Variants in LOC400499 observed in about 807,000 individuals in gnomAD.
the LOC400499 span, among the ~76,000 whole-genome samples, chr16:11,380,274 T>TTAGCATTTCTTGCATAATGAA: frequency 6.6e-6 from 1 of 152,128 alleles, no homozygotes; most frequent in Non-Finnish European, 1.5e-5. Context: ...AGGACTCCCT[T>TTAGCATTTCTTGCATAATGAA]TAGCATTTCT....
chr16:11,387,230 C>A, the LOC400499 span: 4 of 1,232,216 alleles, frequency 3.2e-6, no homozygotes, highest in African/African-American at 1.6e-5. Flanking sequence ...GCTGGTCACC[C>A]GGGCCACGTC....
chr16:11,519,341 GGT>G, the LOC400499 span, among the ~76,000 whole-genome samples: 2 of 152,132 alleles, frequency 1.3e-5, no homozygotes, highest in African/African-American at 4.8e-5. Flanking sequence ...GTCACCATGG[GGT>G]GTGTGTGGTG....
At chr16:11,475,327 A>G in the LOC400499 span, among the ~76,000 whole-genome samples, 1 of 152,150 alleles carries the variant, frequency 6.6e-6, no homozygotes, top group Non-Finnish European at 1.5e-5. Context: ...CTTAAAGTAA[A>G]ATAAAAATAA....
At chr16:11,473,167 A>C in the LOC400499 span, 4 of 150,936 alleles carry the variant, frequency 2.7e-5, no homozygotes, top group Non-Finnish European at 1.5e-5. Flanking sequence ...TGTTGCAGGA[A>C]ATTAGAAAGA....
the LOC400499 span, chr16:11,404,982 T>C: frequency 2.5e-6 from 1 of 397,326 alleles, no homozygotes; most frequent in Non-Finnish European, 4.4e-6. Flanking sequence ...ATTTACAGTT[T>C]CCTGAATGGT....
the LOC400499 span, among the ~76,000 whole-genome samples, chr16:11,490,626 G>A: frequency 0.32 from 48,799 of 151,866 alleles, 8,781 homozygotes; most frequent in African/African-American, 0.46. Flanking sequence ...GCATGAACCC[G>A]GGAGGCAGAG....
the LOC400499 span, chr16:11,472,697 T>C: frequency 1.3e-5 from 2 of 152,332 alleles, no homozygotes; most frequent in African/African-American, 2.4e-5. Context: ...GGCCTCAGTC[T>C]TTCTCATCTT....
At chr16:11,399,790 T>C in the LOC400499 span, 2,992 of 398,804 alleles carry the variant, frequency 7.5e-3, 65 homozygotes, top group African/African-American at 0.046. Context: ...CGTCGCAGGT[T>C]GTCCTCTGTT....
At chr16:11,385,298 C>T in the LOC400499 span, 48 of 1,232,188 alleles carry the variant, frequency 3.9e-5, no homozygotes, top group South Asian at 2.9e-4. Flanking sequence ...TCAGCGTCAG[C>T]GAGAATGTGT....
At chr16:11,470,766 G>C in the LOC400499 span, 1 of 152,662 alleles carries the variant, frequency 6.6e-6, no homozygotes, top group East Asian at 1.9e-4. Context: ...GAAGTCATTG[G>C]TGTAGGGGCC....
the LOC400499 span, chr16:11,431,213 T>C: frequency 2.5e-6 from 1 of 399,066 alleles, no homozygotes; most frequent in East Asian, 3.6e-5. Flanking sequence ...AGCAGTGCCT[T>C]GGAAAACAGC....
chr16:11,387,290 C>T, the LOC400499 span: 7 of 1,232,098 alleles, frequency 5.7e-6, no homozygotes, highest in African/African-American at 4.7e-5. Flanking sequence ...CACCACTGAG[C>T]GGTTCCTGCA....
the LOC400499 span, among the ~76,000 whole-genome samples, chr16:11,447,205 G>T: frequency 3.2e-4 from 49 of 152,304 alleles, no homozygotes; most frequent in African/African-American, 1.1e-3. Flanking sequence ...CACACAGACT[G>T]GGATTAGAAT....
the LOC400499 span, among the ~76,000 whole-genome samples, chr16:11,506,844 C>T: frequency 6.6e-6 from 1 of 152,240 alleles, no homozygotes; most frequent in Non-Finnish European, 1.5e-5. Context: ...GGTCTATCCC[C>T]CTGGCAACCC....
the LOC400499 span, among the ~76,000 whole-genome samples, chr16:11,487,974 G>T: frequency 6.6e-6 from 1 of 151,960 alleles, no homozygotes; most frequent in Non-Finnish European, 1.5e-5. Flanking sequence ...AAAATTAGCC[G>T]GGCATGGTGG....
At chr16:11,446,419 C>A in the LOC400499 span, 7 of 803,292 alleles carry the variant, frequency 8.7e-6, no homozygotes, top group East Asian at 5.4e-5. Flanking sequence ...CAGCCTCCTG[C>A]GTAGCTAAGA....
the LOC400499 span, chr16:11,384,818 G>A: frequency 8.2e-7 from 1 of 1,216,746 alleles, no homozygotes; most frequent in Non-Finnish European, 1.0e-6. Flanking sequence ...TGCCGCCCTG[G>A]AAGCTTAAAG....
chr16:11,508,821 T>C, the LOC400499 span: 1 of 399,084 alleles, frequency 2.5e-6, no homozygotes, highest in East Asian at 3.6e-5. Context: ...GCAGGCTGCT[T>C]GGGGTCATGT....
At chr16:11,414,427 G>C in the LOC400499 span, 1 of 399,840 alleles carries the variant, frequency 2.5e-6, no homozygotes, top group Non-Finnish European at 4.4e-6. Flanking sequence ...GCCACGTCGT[G>C]GCCGAGCCAC....
Sources: allele counts gnomAD v4.1 joint callset (sites outside exome capture counted in the v4.1 genomes callset), GRCh38; gene constraint gnomAD v4.1.1; transcripts MANE v1.5.